The following STK40 variants were observed in gnomAD, a reference collection of about 807,000 sequenced individuals.
STK40 encodes serine/threonine kinase 40.
A neutral mutation model predicts 47.9 loss-of-function variants in STK40; 13 were observed. The observed-to-expected ratio is 0.27, with a 90% CI of 0.18 to 0.43. STK40 has a LOEUF of 0.43. Ranked by LOEUF, STK40 falls within the 20% of genes least tolerant of loss-of-function variation. The pLI, the probability that STK40 is intolerant of heterozygous loss-of-function variation, is 1.00. For missense variants in STK40, 460 were observed against 595.1 expected, an observed-to-expected ratio of 0.77 and a Z score of 2.36; for synonymous variants, 225 against 243.2, an observed-to-expected ratio of 0.93 and a Z score of 0.69.
intron 1 of STK40, among the ~76,000 whole-genome samples, chr1:36,384,031 CTT>C (rs35654052): frequency 8.7e-4 from 115 of 131,888 alleles, no homozygotes; most frequent in Non-Finnish European, 7.7e-4. Context: ...TCTTCTTCTT[CTT>C]TTTTTTTTTT....
intron 10 of STK40, chr1:36,342,248 C>T (rs931273381): frequency 4.4e-5 from 21 of 481,840 alleles, no homozygotes; most frequent in African/African-American, 3.9e-4. Flanking sequence ...TGAGAGGTCA[C>T]TTTACCTCAG....
At chr1:36,370,073 G>T (rs1412346370) in intron 1 of STK40, among the ~76,000 whole-genome samples, 1 of 152,248 alleles carries the variant, frequency 6.6e-6, no homozygotes, top group African/African-American at 2.4e-5. Flanking sequence ...GGCTGCACTG[G>T]ATAGTCTGTC....
In STK40 at chr1:36,355,215, G is replaced by T; in HGVS notation, c.561C>A (p.Ala187=). Reference sequence around the variant, plus strand: ...CAGGGTGTGGCCTCACCTGGTGCAGGGCCTCCACCACGCGGACCACGTCGT... The same window carrying T: ...CAGGGTGTGGCCTCACCTGGTGCAGTGCCTCCACCACGCGGACCACGTCGT... ...IFYDVVRVVE[A]LHQKNIVHRD... is the part of the protein sequence containing the mutation. The change falls in exon 5 of 11, where the codon GCC becomes GCA. Residue 187 remains alanine, a synonymous_variant. Coordinates refer to ENST00000373132, the MANE Select transcript of STK40 (RefSeq NM_001282547.2). 6.2e-7 allele frequency: 1 copy of T among 1,613,768 alleles called. No homozygotes were observed. The highest frequency in any genetic ancestry group is 8.5e-7 in the Non-Finnish European group (1 of 1,180,010).
chr1:36,345,995 T>A (rs868683896), intron 7 of STK40, among the ~76,000 whole-genome samples: 66 of 38,316 alleles, frequency 1.7e-3, no homozygotes, highest in East Asian at 0.014. Context: ...ATATATATTT[T>A]TTTTTTTTTT....
chr1:36,341,993 G>A lies in STK40; in HGVS notation c.1090-20C>T, dbSNP rs374547283. ...CTTCGCCTTTGAGGCGGGGAGGGTG[G>A]GAAGGAGACAAAGATAAACCCAGAT... On this transcript the variant is annotated intron_variant, in intron 10 of 10. Coordinates refer to ENST00000373132, the MANE Select transcript of STK40 (RefSeq NM_001282547.2). 1.9e-6 allele frequency: 3 copies of A among 1,599,160 alleles called. No individual in the cohort carries two copies. Among genetic ancestry groups the A allele is most frequent in the Non-Finnish European group, 2.6e-6 (3 of 1,171,852 alleles).
At chr1:36,381,381 G>A (rs1334522477) in intron 1 of STK40, among the ~76,000 whole-genome samples, 5 of 152,168 alleles carry the variant, frequency 3.3e-5, no homozygotes, top group Non-Finnish European at 7.3e-5. Flanking sequence ...TTCCTAAAGT[G>A]CCACACAAAT....
intron 1 of STK40, among the ~76,000 whole-genome samples, chr1:36,366,834 TTC>T (rs1222124187): frequency 8.0e-5 from 12 of 149,860 alleles, no homozygotes; most frequent in Non-Finnish European, 1.8e-4. Context: ...ATTCTTCTTC[TTC>T]TTTTTTTTTT....
Position 36,339,998 on chromosome 1 carries a change from A to G in STK40, c.*1757T>C, listed in dbSNP as rs1287192524. 6.6e-6 allele frequency: 1 copy of G among 152,336 alleles called. No homozygotes were observed. Among genetic ancestry groups the G allele is most frequent in the East Asian group, 1.9e-4 (1 of 5,198 alleles). The allele number at this position is 152,336 out of a possible 1,614,324, so 9.4% of individuals were successfully genotyped here. ...CAGCTTCAGGCCCTCACAGGAGGAC[A>G]GTCAAGGGCTGGGAGCCCTAGGCCG... On this transcript the variant is annotated 3_prime_UTR_variant, in exon 11 of 11. Coordinates refer to ENST00000373132, the MANE Select transcript of STK40 (RefSeq NM_001282547.2).
intron 4 of STK40, among the ~76,000 whole-genome samples, chr1:36,357,644 TCTCG>T (rs1178865764): frequency 6.6e-6 from 1 of 151,666 alleles, no homozygotes; most frequent in Non-Finnish European, 1.5e-5. Flanking sequence ...TGAGATGGAG[TCTCG>T]CTCTGTCACC....
rs765132437 is a variant in STK40, at chr1:36,355,453, C to T, written c.343-20G>A. ...GCGGTCCTGGGAGGCAAGGGGGTAG[C>T]GCAGGGCTTGGCTGTGAACTTGGCA... On this transcript the variant is annotated intron_variant, in intron 4 of 10. Transcript: ENST00000373132. 8.7e-6 allele frequency: 14 copies of T among 1,613,510 alleles called. No homozygotes were observed. The highest frequency in any genetic ancestry group is 4.4e-5 in the South Asian group (4 of 91,084).
At chr1:36,373,176 T>C (rs1646965260) in intron 1 of STK40, among the ~76,000 whole-genome samples, 1 of 152,178 alleles carries the variant, frequency 6.6e-6, no homozygotes. Flanking sequence ...GATGGTAATA[T>C]GCCTTCACAG....
chr1:36,379,054 G>C (rs956667186), intron 1 of STK40, among the ~76,000 whole-genome samples: 1 of 152,104 alleles, frequency 6.6e-6, no homozygotes, highest in Non-Finnish European at 1.5e-5. Context: ...CTCTGCCCCA[G>C]AGAGAAATGA....
intron 1 of STK40, among the ~76,000 whole-genome samples, chr1:36,371,450 A>G (rs1206306236): frequency 6.6e-6 from 1 of 151,588 alleles, no homozygotes; most frequent in Non-Finnish European, 1.5e-5. Context: ...GCTACTCGGG[A>G]GGCTGAGGCA....
At chr1:36,384,672 G>C (rs535728886) in intron 1 of STK40, among the ~76,000 whole-genome samples, 2 of 152,346 alleles carry the variant, frequency 1.3e-5, no homozygotes, top group East Asian at 3.9e-4. Flanking sequence ...CTCTAGGCAA[G>C]GACTCTTGTT....
chr1:36,372,463 G>GA (rs1646957419), intron 1 of STK40, among the ~76,000 whole-genome samples: 1 of 127,116 alleles, frequency 7.9e-6, no homozygotes, highest in Admixed American at 7.8e-5. Context: ...GAAAGAAAAA[G>GA]AAAAAAGAAA....
intron 1 of STK40, among the ~76,000 whole-genome samples, chr1:36,366,532 C>A (rs1279357246): frequency 6.6e-6 from 1 of 152,188 alleles, no homozygotes. Context: ...CAGGGACAGA[C>A]CCCCCTTTCC....
intron 6 of STK40, among the ~76,000 whole-genome samples, chr1:36,352,088 C>T (rs969569597): frequency 6.6e-6 from 1 of 152,220 alleles, no homozygotes; most frequent in South Asian, 2.1e-4. Flanking sequence ...ACAACTGGCT[C>T]TCCACAGCCC....
chr1:36,381,786 G>T (rs1333927145), intron 1 of STK40, among the ~76,000 whole-genome samples: 2 of 152,150 alleles, frequency 1.3e-5, no homozygotes, highest in Non-Finnish European at 2.9e-5. Flanking sequence ...GCTGTGCCCA[G>T]TCCCAGTTCA....
At chr1:36,363,185 G>A (rs1278822945) in intron 1 of STK40, among the ~76,000 whole-genome samples, 2 of 151,898 alleles carry the variant, frequency 1.3e-5, no homozygotes, top group African/African-American at 4.8e-5. Flanking sequence ...ATGATGGTGG[G>A]CGCCTGTCTC....
Sources: gnomAD v4.1 joint callset for allele counts (sites outside exome capture counted in the v4.1 genomes callset) on GRCh38, gnomAD v4.1.1 for gene constraint, MANE v1.5 for transcripts, NCBI Gene and HGNC (gene_info 2026-07-23, HGNC 2026-07-21) for gene names.